CNTN5: variants seen among roughly 807,000 people sequenced by gnomAD.
CNTN5 encodes contactin-5.
Under a neutral mutation model 129.1 loss-of-function variants are expected in CNTN5, and 77 were observed. The observed-to-expected ratio is 0.60, with a 90% CI of 0.50 to 0.72. CNTN5 has a LOEUF of 0.72. Ranked by LOEUF, CNTN5 falls within the 30% of genes least tolerant of loss-of-function variation. The probability of loss-of-function intolerance (pLI) is 0.00; values close to 1 mark genes in which losing one functional copy is unlikely to be tolerated. For missense variants in CNTN5, 1,478 were observed against 1,328.8 expected, an observed-to-expected ratio of 1.11 and a Z score of -1.75; for synonymous variants, 509 against 465.6, an observed-to-expected ratio of 1.09 and a Z score of -1.20.
In CNTN5 at chr11:99,820,042, A is replaced by T. The variant is rs571951136; in HGVS notation, c.277+277A>T. Among the ~76,000 whole-genome samples, 3 of 152,220 alleles carry T rather than the reference A, an allele frequency of 2.0e-5. No individual in the cohort carries two copies. The South Asian group carries it at 6.2e-4, about 32-fold the overall frequency. On this transcript the variant is annotated intron_variant, in intron 4 of 24. Transcript: ENST00000524871. ...ACTACCTTTTCATAGAGACTGGGAG[A>T]TAGAGAACCTGTTTCTTGATGGTTT... is the stretch of plus-strand genomic sequence containing the variant.
At chr11:99,784,516 T>A (rs1591170009) in intron 3 of CNTN5, among the ~76,000 whole-genome samples, 1 of 152,136 alleles carries the variant, frequency 6.6e-6, no homozygotes, top group Non-Finnish European at 1.5e-5. Context: ...CTATTGTGAA[T>A]AGTGCTGCAA....
chr11:99,134,246 C>A (rs1859106133), intron 1 of CNTN5, among the ~76,000 whole-genome samples: 1 of 152,008 alleles, frequency 6.6e-6, no homozygotes, highest in East Asian at 1.9e-4. Flanking sequence ...ACACTGGAAC[C>A]TGCTGAGGGA....
At chr11:99,193,165 G>T (rs79782075) in intron 1 of CNTN5, among the ~76,000 whole-genome samples, 1 of 151,828 alleles carries the variant, frequency 6.6e-6, no homozygotes, top group Non-Finnish European at 1.5e-5. Context: ...TCAAATTCAC[G>T]TTTCTTATCA....
chr11:99,504,084 T>C (rs1591176927), intron 2 of CNTN5, among the ~76,000 whole-genome samples: 1 of 152,234 alleles, frequency 6.6e-6, no homozygotes, highest in Non-Finnish European at 1.5e-5. Flanking sequence ...ATTTGAATTA[T>C]AAATCTGTGG....
In CNTN5 at chr11:99,514,264, A is replaced by G. The variant is rs76170442; in HGVS notation, c.-70-41881A>G. 6.4e-3 allele frequency among the ~76,000 whole-genome samples: 981 copies of G among 152,224 alleles called. 9 individuals are homozygous for G. Among genetic ancestry groups the G allele is most frequent in the African/African-American group, 0.021 (891 of 41,548 alleles). On this transcript the variant is annotated intron_variant, in intron 2 of 24. Transcript: ENST00000524871. ...AAGTTGCTTTTTATGGATGAGTAAC[A>G]AAAGTAATTTCTTGAGATGGAAACT...
intron 1 of CNTN5, among the ~76,000 whole-genome samples, chr11:99,056,519 C>T (rs575395001): frequency 5.3e-5 from 8 of 152,050 alleles, no homozygotes; most frequent in Admixed American, 3.3e-4. Context: ...GATGCTACCC[C>T]CAGAACTGCT....
At chr11:100,337,280 C>A in intron 21 of CNTN5, 1 of 1,259,118 alleles carries the variant, frequency 7.9e-7, no homozygotes, top group Non-Finnish European at 1.2e-6. Flanking sequence ...AGCCTGGTAG[C>A]CTTTATAAAT....
intron 3 of CNTN5, among the ~76,000 whole-genome samples, chr11:99,765,867 G>A (rs1944736878): frequency 6.6e-6 from 1 of 151,736 alleles, no homozygotes; most frequent in Non-Finnish European, 1.5e-5. Flanking sequence ...GTATTCTGGT[G>A]ACATTAAATA....
At chr11:99,721,569 A>G (rs1943174127) in intron 3 of CNTN5, among the ~76,000 whole-genome samples, 1 of 152,160 alleles carries the variant, frequency 6.6e-6, no homozygotes, top group Non-Finnish European at 1.5e-5. Flanking sequence ...GGGCATAGGA[A>G]CCAACAAAGA....
In CNTN5 at chr11:99,107,703, G is replaced by A. The variant is rs530175109; in HGVS notation, c.-210+86433G>A. On this transcript the variant is annotated intron_variant, in intron 1 of 24. Transcript: ENST00000524871. ...TCTCAGCACTCTGGGAGGCTGAGGC[G>A]GGCAGATCATGAGGTCAGGAGATTG... Among the ~76,000 whole-genome samples the A allele has an allele frequency of 5.9e-5, 9 of 151,878 alleles. No individual in the cohort carries two copies. In the South Asian group the frequency reaches 8.3e-4, roughly 14 times the overall value.
At chr11:99,505,908 C>T (rs534761875) in intron 2 of CNTN5, among the ~76,000 whole-genome samples, 4 of 152,254 alleles carry the variant, frequency 2.6e-5, no homozygotes, top group Non-Finnish European at 4.4e-5. Context: ...CTCTTCAGGC[C>T]AAGGGCTAGC....
At chr11:99,531,719 A>G (rs892378515) in intron 2 of CNTN5, among the ~76,000 whole-genome samples, 1 of 152,210 alleles carries the variant, frequency 6.6e-6, no homozygotes, top group Non-Finnish European at 1.5e-5. Flanking sequence ...CTGTGGCTTC[A>G]GGGGATGTAA....
intron 6 of CNTN5, among the ~76,000 whole-genome samples, chr11:99,884,729 C>T (rs1037809061): frequency 1.2e-4 from 19 of 152,312 alleles, no homozygotes; most frequent in African/African-American, 3.8e-4. Flanking sequence ...GTAATCCCAG[C>T]ACTTTGGGAG....
rs545416823 is a variant in CNTN5, at chr11:99,471,989, A to G, written c.-70-84156A>G. ...GGACCAAGATACATATTTTATGTAT[A>G]TTATCTGCTTAAAATTTAATCATAA... On this transcript the variant is annotated intron_variant, in intron 2 of 24. Transcript: ENST00000524871. 1.7e-3 allele frequency among the ~76,000 whole-genome samples: 265 copies of G among 152,274 alleles called. 1 individual carries two copies. Among genetic ancestry groups the G allele is most frequent in the African/African-American group, 5.6e-3 (234 of 41,566 alleles).
intron 1 of CNTN5, among the ~76,000 whole-genome samples, chr11:99,205,302 T>A (rs529498874): frequency 6.6e-6 from 1 of 152,308 alleles, no homozygotes; most frequent in East Asian, 1.9e-4. Flanking sequence ...CTTTTATACC[T>A]GTTCTGATAT....
intron 1 of CNTN5, among the ~76,000 whole-genome samples, chr11:99,036,617 A>G (rs913282667): frequency 1.3e-5 from 2 of 152,098 alleles, no homozygotes; most frequent in African/African-American, 2.4e-5. Flanking sequence ...GTCATTGAGA[A>G]GGTACACTTA....
chr11:100,205,510 G>A (rs1948894173), intron 15 of CNTN5, among the ~76,000 whole-genome samples: 1 of 151,882 alleles, frequency 6.6e-6, no homozygotes, highest in Non-Finnish European at 1.5e-5. Context: ...ACCTGGAAAA[G>A]GTCACTTTAA....
At chr11:99,954,054 A>G (rs760171747) in intron 7 of CNTN5, among the ~76,000 whole-genome samples, 2 of 152,106 alleles carry the variant, frequency 1.3e-5, no homozygotes, top group East Asian at 1.9e-4. Flanking sequence ...AGCTTTCTGC[A>G]TTTGGCTAGC....
chr11:100,202,800 G>C (rs1227899374), intron 15 of CNTN5, among the ~76,000 whole-genome samples: 2 of 151,896 alleles, frequency 1.3e-5, no homozygotes, highest in Non-Finnish European at 2.9e-5. Flanking sequence ...CAGGAAGGAA[G>C]ACAAGTAAAG....
Sources: allele counts gnomAD v4.1 joint callset (sites outside exome capture counted in the v4.1 genomes callset), GRCh38; gene constraint gnomAD v4.1.1; transcripts MANE v1.5; gene names NCBI Gene and HGNC (gene_info 2026-07-23, HGNC 2026-07-21).